TAB2: variants seen among roughly 807,000 people sequenced by gnomAD.
TAB2 encodes TGF-beta activated kinase 1 (MAP3K7) binding protein 2.
Under a neutral mutation model 65.0 loss-of-function variants are expected in TAB2, and 3 were observed. The ratio of observed to expected loss-of-function variants is 0.05; its 90% CI spans 0.02 to 0.12. TAB2 has a LOEUF of 0.12. Ranked by LOEUF, TAB2 falls within the 10% of genes least tolerant of loss-of-function variation. The pLI is 1.00. For synonymous variants in TAB2, 298 were observed against 285.1 expected (o/e 1.05, Z -0.46); for missense variants, 623 against 840.3 (o/e 0.74, Z 3.20).
At chr6:149,281,159 T>G (rs1488816992) in intron 1 of TAB2, among the ~76,000 whole-genome samples, 1 of 152,108 alleles carries the variant, frequency 6.6e-6, no homozygotes, top group South Asian at 2.1e-4. Flanking sequence ...AATTGACTGT[T>G]TAAATACAAA....
intron 1 of TAB2, among the ~76,000 whole-genome samples, chr6:149,223,118 T>C (rs1777189446): frequency 6.6e-6 from 1 of 152,184 alleles, no homozygotes; most frequent in South Asian, 2.1e-4. Context: ...ATATATTGAG[T>C]TTACAAAAAA....
chr6:149,218,583 G>T (rs1777071370), upstream of TAB2: 1 of 240,654 alleles, frequency 4.2e-6, no homozygotes, highest in South Asian at 4.7e-5. Context: ...GTGGGACAGG[G>T]TCAGGGTAGG....
intron 1 of TAB2, among the ~76,000 whole-genome samples, chr6:149,262,802 T>G (rs1778182052): frequency 6.6e-6 from 1 of 152,094 alleles, no homozygotes; most frequent in South Asian, 2.1e-4. Flanking sequence ...TTTTTCCTTT[T>G]TCTTTTTTTT....
Position 149,379,455 on chromosome 6 carries a change from G to A in TAB2, c.1540G>A (p.Val514Met). The change falls in exon 3 of 7, where the codon GTG becomes ATG. Residue 514 changes from valine (V) to methionine (M), a missense_variant. Transcript: ENST00000637181. Reference sequence around the variant, plus strand: ...CCTCACGGACCCTACATTAGCACATGTGGATAGAATAAGTGAAACACGGAA... The same window carrying A: ...CCTCACGGACCCTACATTAGCACATATGGATAGAATAAGTGAAACACGGAA... ...QHLTDPTLAH[V>M]DRISETRKLS... 1.2e-6 allele frequency: 2 copies of A among 1,614,114 alleles called. No homozygotes were observed. Among genetic ancestry groups the A allele is most frequent in the Non-Finnish European group, 1.7e-6 (2 of 1,180,008 alleles).
intron 1 of TAB2, among the ~76,000 whole-genome samples, chr6:149,259,391 A>G (rs907974539): frequency 6.6e-6 from 1 of 150,630 alleles, no homozygotes; most frequent in Non-Finnish European, 1.5e-5. Flanking sequence ...AATCTGGGAG[A>G]GGGCTCTGCA....
intron 1 of TAB2, among the ~76,000 whole-genome samples, chr6:149,261,096 G>A (rs1242846870): frequency 6.6e-6 from 1 of 152,166 alleles, no homozygotes; most frequent in African/African-American, 2.4e-5. Context: ...GCCTTTCAGA[G>A]TTCAAGGAAA....
chr6:149,283,408 A>G (rs1037205663), intron 1 of TAB2, among the ~76,000 whole-genome samples: 3 of 152,198 alleles, frequency 2.0e-5, no homozygotes, highest in African/African-American at 4.8e-5. Context: ...ATTTGATGGT[A>G]TAGAAGAAAC....
At chr6:149,396,529 T>C (rs1782178241) in intron 3 of TAB2, among the ~76,000 whole-genome samples, 1 of 152,250 alleles carries the variant, frequency 6.6e-6, no homozygotes, top group Non-Finnish European at 1.5e-5. Flanking sequence ...CCAAATCTGC[T>C]TTATTTTTCT....
chr6:149,225,317 A>C (rs1777245981), intron 1 of TAB2, among the ~76,000 whole-genome samples: 1 of 152,178 alleles, frequency 6.6e-6, no homozygotes, highest in African/African-American at 2.4e-5. Flanking sequence ...CAATTTGTAC[A>C]TCAGATAATT....
intron 3 of TAB2, among the ~76,000 whole-genome samples, chr6:149,385,768 A>T (rs903163511): frequency 7.2e-5 from 11 of 152,178 alleles, no homozygotes; most frequent in Admixed American, 6.5e-4. Context: ...ACTGCCTCCT[A>T]AGGTAGCATA....
chr6:149,281,761 G>T (rs1778580153), intron 1 of TAB2, among the ~76,000 whole-genome samples: 2 of 151,628 alleles, frequency 1.3e-5, no homozygotes, highest in South Asian at 4.2e-4. Flanking sequence ...GAGGAATATT[G>T]GTGATTAATA....
At chr6:149,403,243 AAAAAATATATATATATATAT>A (rs1782503536) in intron 6 of TAB2, among the ~76,000 whole-genome samples, 1 of 48,958 alleles carries the variant, frequency 2.0e-5, no homozygotes, top group South Asian at 8.5e-4. Context: ...CTAAAAAAAA[AAAAAATATATATATATATAT>A]ATATATATAT....
chr6:149,333,022 A>G (rs1779828950), intron 1 of TAB2, among the ~76,000 whole-genome samples: 1 of 152,204 alleles, frequency 6.6e-6, no homozygotes, highest in South Asian at 2.1e-4. Context: ...CATGTGTATT[A>G]TAATTATCTG....
intron 1 of TAB2, among the ~76,000 whole-genome samples, chr6:149,337,827 G>T (rs979927261): frequency 2.0e-4 from 30 of 152,094 alleles, no homozygotes; most frequent in Middle Eastern, 3.2e-3. Flanking sequence ...CAGTGGGTCT[G>T]GTCATTTATA....
chr6:149,257,871 T>C (rs1778072239), intron 1 of TAB2, among the ~76,000 whole-genome samples: 1 of 151,974 alleles, frequency 6.6e-6, no homozygotes, highest in Non-Finnish European at 1.5e-5. Context: ...ACTGGCTCCA[T>C]CCAAGCGGAC....
At chr6:149,295,897 G>A (rs1026210367) in intron 1 of TAB2, among the ~76,000 whole-genome samples, 2 of 151,932 alleles carry the variant, frequency 1.3e-5, no homozygotes, top group East Asian at 1.9e-4. Context: ...TCAGCCTCCC[G>A]AGCAGCTGGG....
chr6:149,329,184 A>G (rs932480241), intron 1 of TAB2, among the ~76,000 whole-genome samples: 4 of 152,214 alleles, frequency 2.6e-5, no homozygotes, highest in Non-Finnish European at 5.9e-5. Context: ...CATTCTAGAA[A>G]GATTCTCTTG....
intron 1 of TAB2, among the ~76,000 whole-genome samples, chr6:149,265,796 G>T (rs532096744): frequency 6.6e-6 from 1 of 152,252 alleles, no homozygotes; most frequent in Admixed American, 6.5e-5. Context: ...CTTTAGCCTG[G>T]AATTCAAAGT....
chr6:149,360,335 A>G (rs968368779), intron 1 of TAB2, among the ~76,000 whole-genome samples: 12 of 152,244 alleles, frequency 7.9e-5, no homozygotes, highest in Non-Finnish European at 2.9e-5. Flanking sequence ...GTTGCCAAGC[A>G]TCGGCTCACC....
Sources: allele counts gnomAD v4.1 joint callset (sites outside exome capture counted in the v4.1 genomes callset), GRCh38; gene constraint gnomAD v4.1.1; transcripts MANE v1.5; gene names NCBI Gene and HGNC (gene_info 2026-07-23, HGNC 2026-07-21).